TUBA1A: variants seen among roughly 807,000 people sequenced by gnomAD.
The protein encoded by TUBA1A is tubulin alpha-1A chain.
In TUBA1A, 7 loss-of-function variants were observed where a neutral mutation model predicts 34.6. That is an observed-to-expected ratio of 0.20 (90% confidence interval 0.11 to 0.38). The LOEUF (loss-of-function observed/expected upper bound fraction) is 0.38. Among genes scored for constraint, TUBA1A ranks in the 10% least tolerant of loss-of-function variants. The probability of loss-of-function intolerance (pLI) is 1.00; values close to 1 mark genes in which losing one functional copy is unlikely to be tolerated. For missense variants in TUBA1A, 19 were observed against 581.3 expected, an observed-to-expected ratio of 0.03 and a Z score of 9.95; for synonymous variants, 193 against 210.2, an observed-to-expected ratio of 0.92 and a Z score of 0.71.
In TUBA1A at chr12:49,184,992, C is replaced by T. The variant is rs1942160230; in HGVS notation, c.*18G>A. The T allele has an allele frequency of 6.2e-7, 1 of 1,613,892 alleles. No homozygotes were observed. Among genetic ancestry groups the T allele is most frequent in the African/African-American group, 1.3e-5 (1 of 74,912 alleles). ...ATAAGCTTCCCTGTAAAAGCAGCAC[C>T]TTTGTGACGTTTTAACTTTAGTATT... On this transcript the variant is annotated 3_prime_UTR_variant, in exon 4 of 4. Coordinates refer to ENST00000301071, the MANE Select transcript of TUBA1A (RefSeq NM_006009.4).
rs766255841 is a variant in TUBA1A, at chr12:49,184,987, A to G, written c.*23T>C. 3 of 1,613,958 alleles carry G rather than the reference A, an allele frequency of 1.9e-6. No homozygotes were observed. The highest frequency in any genetic ancestry group is 3.3e-5 in the Admixed American group (2 of 59,998). On this transcript the variant is annotated 3_prime_UTR_variant, in exon 4 of 4. Transcript: ENST00000301071. ...ACAGAATAAGCTTCCCTGTAAAAGCAGCACCTTTGTGACGTTTTAACTTTA... is the reference window on the plus strand; with the variant it reads ...ACAGAATAAGCTTCCCTGTAAAAGCGGCACCTTTGTGACGTTTTAACTTTA...
chr12:49,187,914 G>T (rs1234393108), intron 1 of TUBA1A: 1 of 983,260 alleles, frequency 1.0e-6, no homozygotes, highest in Non-Finnish European at 1.2e-6. Flanking sequence ...GGGCGGGGCG[G>T]GGGGGCGGCG....
intron 1 of TUBA1A, chr12:49,187,876 TTTCATTGTCTA>T (rs1196295387): frequency 1.0e-6 from 1 of 983,492 alleles, no homozygotes; most frequent in Admixed American, 6.2e-5. Context: ...GGGCTACCAC[TTTCATTGTCTA>T]TTCGCTGATG....
At position 49,188,947 on chromosome 12, in the gene TUBA1A, C is replaced by A. The variant is rs775008245; in HGVS notation, c.3+30G>T. ...GCCTGGGGGCGCTGACTCCACCCAACGGCCACAAAGAGCCGAAGCCGATTC... is the reference window on the plus strand; with the variant it reads ...GCCTGGGGGCGCTGACTCCACCCAAAGGCCACAAAGAGCCGAAGCCGATTC... On this transcript the variant is annotated intron_variant, in intron 1 of 3. Coordinates refer to ENST00000301071, the MANE Select transcript of TUBA1A (RefSeq NM_006009.4). This position sits in a 1 kb window ranked among gnomAD's most constrained non-coding sequence, Gnocchi z 4.9. 1.9e-6 allele frequency: 3 copies of A among 1,614,206 alleles called. No individual in the cohort carries two copies. The South Asian group carries it at 3.3e-5, about 18-fold the overall frequency.
chr12:49,186,210 A>G lies in TUBA1A; in HGVS notation c.375+100T>C. The G allele has an allele frequency of 6.2e-7, 1 of 1,608,980 alleles. No individual in the cohort carries two copies. The highest frequency in any genetic ancestry group is 8.5e-7 in the Non-Finnish European group (1 of 1,177,760). ...AAAAGAATGACTCATTCCACTCTTT[A>G]TTAAAATAACAGTTCAATTCTGTGT... On this transcript the variant is annotated intron_variant, in intron 3 of 3. Transcript: ENST00000301071. This position sits in a 1 kb window ranked among gnomAD's most constrained non-coding sequence, Gnocchi z 6.6.
rs1327719342 is a variant in TUBA1A, at chr12:49,186,191, A to G, written c.375+119T>C. On this transcript the variant is annotated intron_variant, in intron 3 of 3. Coordinates refer to ENST00000301071, the MANE Select transcript of TUBA1A (RefSeq NM_006009.4). This position sits in a 1 kb window ranked among gnomAD's most constrained non-coding sequence, Gnocchi z 6.6. ...ACTGAATTTTAAAAACCCCAAAAGA[A>G]TGACTCATTCCACTCTTTATTAAAA... is the stretch of plus-strand genomic sequence containing the variant. 7 of 1,596,446 alleles carry G rather than the reference A, an allele frequency of 4.4e-6. No homozygotes were observed. The East Asian group carries it at 1.1e-4, about 26-fold the overall frequency.
In TUBA1A at chr12:49,186,714, G is replaced by A. The variant is rs200198307; in HGVS notation, c.123C>T (p.Thr41=). The change falls in exon 2 of 4, where the codon ACC becomes ACT. Residue 41 remains threonine, a synonymous_variant. Transcript: ENST00000301071. This position sits in a 1 kb window ranked among gnomAD's most constrained non-coding sequence, Gnocchi z 6.6. Reference sequence around the variant, plus strand: ...TGAAGGAATCATCTCCTCCCCCAATGGTCTTGTCACTTGGCATCTGGCCAT... The same window carrying A: ...TGAAGGAATCATCTCCTCCCCCAATAGTCTTGTCACTTGGCATCTGGCCAT... ...QPDGQMPSDK[T]IGGGDDSFNT... The A allele has an allele frequency of 6.2e-7, 1 of 1,614,162 alleles. No individual in the cohort carries two copies.
In TUBA1A at chr12:49,188,774, G is replaced by A. The variant is rs548637263; in HGVS notation, c.3+203C>T. 1 of 1,545,488 alleles carries A rather than the reference G, an allele frequency of 6.5e-7. No individual in the cohort carries two copies. Among genetic ancestry groups the A allele is most frequent in the South Asian group, 1.2e-5 (1 of 84,776 alleles). On this transcript the variant is annotated intron_variant, in intron 1 of 3. Coordinates refer to ENST00000301071, the MANE Select transcript of TUBA1A (RefSeq NM_006009.4). This position sits in a 1 kb window ranked among gnomAD's most constrained non-coding sequence, Gnocchi z 4.9. ...CCTCCCCAGCGCTCTGCTGCGCCCT[G>A]GGCGCAGTACTGGCCCGGTTCCTGC...
rs58704368 is a variant in TUBA1A, at chr12:49,188,023, G to GACACACACACACACAC, written c.3+938_3+953dup. 1.8e-5 allele frequency: 12 copies of GACACACACACACACAC among 683,412 alleles called. No homozygotes were observed. The African/African-American group carries it at 2.6e-4, about 15-fold the overall frequency. The allele number at this position is 683,412 out of a possible 1,614,324, so 42.3% of individuals were successfully genotyped here. On this transcript the variant is annotated intron_variant, in intron 1 of 3. Transcript: ENST00000301071. This position sits in a 1 kb window ranked among gnomAD's most constrained non-coding sequence, Gnocchi z 4.9. ...AACGTGCAGTCCAGACAGACAGACA[G>GACACACACACACACAC]ACACACACACACACACACACACACT...
rs559334144 is a variant in TUBA1A at position 49,187,414 on chromosome 12, C to G, written c.4-581G>C. On this transcript the variant is annotated intron_variant, in intron 1 of 3. Transcript: ENST00000301071. ...CTGTACTGTCTGCTACATTATTTAA[C>G]AGAGCAAGCTCTATTTCCAGCAGCT... 1.7e-3 allele frequency: 1,650 copies of G among 990,732 alleles called. 4 individuals carry two copies. Among genetic ancestry groups the G allele is most frequent in the Non-Finnish European group, 1.9e-3 (1,579 of 832,852 alleles). 61.4% of individuals were successfully genotyped at this position (990,732 alleles called of 1,614,324 possible).
chr12:49,188,037 C>G lies in TUBA1A; in HGVS notation c.3+940G>C. 1.0e-6 allele frequency: 1 copy of G among 959,538 alleles called. No individual in the cohort carries two copies. The highest frequency in any genetic ancestry group is 5.3e-4 in the Middle Eastern group (1 of 1,874). 59.4% of individuals were successfully genotyped at this position (959,538 alleles called of 1,614,324 possible). ...ACAGACAGACAGACACACACACACA[C>G]ACACACACACTTCAGTCGGTCAGGG... On this transcript the variant is annotated intron_variant, in intron 1 of 3. Coordinates refer to ENST00000301071, the MANE Select transcript of TUBA1A (RefSeq NM_006009.4). This position sits in a 1 kb window ranked among gnomAD's most constrained non-coding sequence, Gnocchi z 4.9.
In TUBA1A at chr12:49,186,104, A is replaced by G; in HGVS notation, c.376-114T>C. 6.5e-7 allele frequency: 1 copy of G among 1,527,996 alleles called. No homozygotes were observed. Among genetic ancestry groups the G allele is most frequent in the Non-Finnish European group, 8.8e-7 (1 of 1,135,342 alleles). The allele number at this position is 1,527,996 out of a possible 1,614,324, so 94.7% of individuals were successfully genotyped here. A position where few individuals can be genotyped will look rare whatever the true frequency, so the allele number is the denominator to read the frequency against. On this transcript the variant is annotated intron_variant, in intron 3 of 3. Coordinates refer to ENST00000301071, the MANE Select transcript of TUBA1A (RefSeq NM_006009.4). This position sits in a 1 kb window ranked among gnomAD's most constrained non-coding sequence, Gnocchi z 6.6. ...CTTCCAGGACTTAGATCTTATTTTG[A>G]CAAATGCTTTTTAAAAAATTCTCAT...
intron 1 of TUBA1A, chr12:49,187,518 G>T (rs1565628037): frequency 9.1e-6 from 9 of 985,488 alleles, no homozygotes; most frequent in Non-Finnish European, 9.6e-6. Flanking sequence ...GAATTGAAAT[G>T]AATTAATTAA....
rs199886461 is a variant in TUBA1A, at chr12:49,187,667, A to AAC, written c.4-836_4-835dup. 1.1e-4 allele frequency: 104 copies of AAC among 983,304 alleles called. No homozygotes were observed. The South Asian group carries it at 1.8e-3, about 17-fold the overall frequency. 60.9% of individuals were successfully genotyped at this position (983,304 alleles called of 1,614,324 possible). A position where few individuals can be genotyped will look rare whatever the true frequency, so the allele number is the denominator to read the frequency against. On this transcript the variant is annotated intron_variant, in intron 1 of 3. Transcript: ENST00000301071. ...AAAGCTGAAAAATTATCCGTATCTTAACACACACACACACAAAAGTTCCTA... is the reference window on the plus strand; with the variant it reads ...AAAGCTGAAAAATTATCCGTATCTTAACACACACACACACACAAAAGTTCCTA...
Position 49,186,129 on chromosome 12 carries a change from T to A in TUBA1A, c.376-139A>T. On this transcript the variant is annotated intron_variant, in intron 3 of 3. Coordinates refer to ENST00000301071, the MANE Select transcript of TUBA1A (RefSeq NM_006009.4). This position sits in a 1 kb window ranked among gnomAD's most constrained non-coding sequence, Gnocchi z 6.6. Reference sequence around the variant, plus strand: ...ACAAATGCTTTTTAAAAAATTCTCATTAACATTTACAAAATGACATCAAAT... The same window carrying A: ...ACAAATGCTTTTTAAAAAATTCTCAATAACATTTACAAAATGACATCAAAT... 3.9e-6 allele frequency: 6 copies of A among 1,521,870 alleles called. No homozygotes were observed. The highest frequency in any genetic ancestry group is 5.3e-6 in the Non-Finnish European group (6 of 1,130,550). The allele number at this position is 1,521,870 out of a possible 1,614,324, so 94.3% of individuals were successfully genotyped here.
intron 1 of TUBA1A, chr12:49,187,981 G>C (rs1942201741): frequency 5.1e-6 from 5 of 982,644 alleles, no homozygotes; most frequent in African/African-American, 3.6e-5. Context: ...TCACAAAGTG[G>C]GCTTTCTCCC....
rs779416899 is a variant in TUBA1A at position 49,185,715 on chromosome 12, G to A, written c.651C>T (p.Leu217=). The A allele has an allele frequency of 3.8e-5, 61 of 1,613,890 alleles. No homozygotes were observed. The highest frequency in any genetic ancestry group is 5.0e-5 in the Non-Finnish European group (59 of 1,179,966). Residue 217 remains leucine, a synonymous_variant, in exon 4 of 4, where the codon CTC becomes CTT. Coordinates refer to ENST00000301071, the MANE Select transcript of TUBA1A (RefSeq NM_006009.4). ...EAIYDICRRN[L]DIERPTYTNL... ...TAGTATAGGTTGGACGCTCAATATC[G>A]AGGTTTCTACGACAGATGTCATAGA...
At chr12:49,187,277 A>C in intron 1 of TUBA1A, 1 of 1,088,466 alleles carries the variant, frequency 9.2e-7, no homozygotes, top group Non-Finnish European at 1.1e-6. Flanking sequence ...AGCTGAGGCA[A>C]GAAGCCACAC....
At position 49,188,444 on chromosome 12, in the gene TUBA1A, C is replaced by T. The variant is rs1274269074; in HGVS notation, c.3+533G>A. ...TGTTTTCCCGGGAATGTGTGGGTATCTTTCCAAAACGCCAAAGACCGCGGA... is the reference window on the plus strand; with the variant it reads ...TGTTTTCCCGGGAATGTGTGGGTATTTTTCCAAAACGCCAAAGACCGCGGA... On this transcript the variant is annotated intron_variant, in intron 1 of 3. Coordinates refer to ENST00000301071, the MANE Select transcript of TUBA1A (RefSeq NM_006009.4). The surrounding 1 kb of genome is among the most constrained non-coding windows in gnomAD (Gnocchi z 4.9). 6.5e-7 allele frequency: 1 copy of T among 1,535,918 alleles called. No individual in the cohort carries two copies. The highest frequency in any genetic ancestry group is 8.7e-7 in the Non-Finnish European group (1 of 1,146,782).
Sources: allele counts gnomAD v4.1 joint callset, GRCh38; gene constraint gnomAD v4.1.1; non-coding constraint Gnocchi (gnomAD v3.1); transcripts MANE v1.5; gene names NCBI Gene and HGNC (gene_info 2026-07-23, HGNC 2026-07-21).